The following AUTS2 variants were observed in gnomAD, a reference collection of about 807,000 sequenced individuals.
AUTS2 encodes autism susceptibility gene 2 protein.
A neutral mutation model predicts 112.4 loss-of-function variants in AUTS2; 17 were observed. That is an observed-to-expected ratio of 0.15 (90% CI 0.10 to 0.23). AUTS2 has a LOEUF of 0.23. Among genes scored for constraint, AUTS2 ranks in the 10% least tolerant of loss-of-function variants. The pLI is 1.00. For synonymous variants in AUTS2, 751 were observed against 702.7 expected (o/e 1.07, Z -1.09); for missense variants, 1,510 against 1,701.6 (o/e 0.89, Z 1.98).
At chr7:70,379,679 C>G (rs1367536949) in intron 4 of AUTS2, among the ~76,000 whole-genome samples, 1 of 152,104 alleles carries the variant, frequency 6.6e-6, no homozygotes, top group African/African-American at 2.4e-5. Context: ...AAACTGTCAA[C>G]AGAAATATTC....
intron 1 of AUTS2, among the ~76,000 whole-genome samples, chr7:69,673,360 A>G (rs569838509): frequency 8.8e-4 from 134 of 152,348 alleles, no homozygotes; most frequent in African/African-American, 3.1e-3. Context: ...TGATCCTCAT[A>G]TGACCTTATT....
intron 2 of AUTS2, among the ~76,000 whole-genome samples, chr7:69,940,385 C>T (rs1046397953): frequency 6.6e-6 from 1 of 152,172 alleles, no homozygotes; most frequent in Non-Finnish European, 1.5e-5. Flanking sequence ...AGTAGGTGCT[C>T]TCTAGGTGAG....
At chr7:70,359,013 G>A (rs1186187023) in intron 4 of AUTS2, among the ~76,000 whole-genome samples, 1 of 152,168 alleles carries the variant, frequency 6.6e-6, no homozygotes, top group African/African-American at 2.4e-5. Context: ...TGCATTTTGT[G>A]TAAGAAGTCT....
chr7:70,273,536 CTT>C (rs983056878), intron 4 of AUTS2, among the ~76,000 whole-genome samples: 1 of 151,800 alleles, frequency 6.6e-6, no homozygotes, highest in African/African-American at 2.4e-5. Flanking sequence ...TTCTTACAAT[CTT>C]TGTATATTTA....
intron 5 of AUTS2, among the ~76,000 whole-genome samples, chr7:70,582,739 T>C (rs150847748): frequency 1.5e-3 from 232 of 152,338 alleles, no homozygotes; most frequent in South Asian, 3.5e-3. Flanking sequence ...TTGAGCCTTC[T>C]ACAAGGCCAG....
At chr7:70,348,093 G>C (rs1327685934) in intron 4 of AUTS2, among the ~76,000 whole-genome samples, 1 of 152,186 alleles carries the variant, frequency 6.6e-6, no homozygotes, top group Non-Finnish European at 1.5e-5. Flanking sequence ...GAGGATTTCA[G>C]ATTCACTCAC....
In AUTS2 at chr7:69,964,263, A is replaced by C. The variant is rs962093913; in HGVS notation, c.522+64765A>C. 6.6e-5 allele frequency among the ~76,000 whole-genome samples: 10 copies of C among 151,954 alleles called. 1 individual carries two copies. On this transcript the variant is annotated intron_variant, in intron 2 of 18. Coordinates refer to ENST00000342771, the MANE Select transcript of AUTS2 (RefSeq NM_015570.4). Reference sequence around the variant, plus strand: ...TGTGAGACCTTGGTGAAGTCACTTTACCCTCCGGGCTTTACTTCTTTTATC... The same window carrying C: ...TGTGAGACCTTGGTGAAGTCACTTTCCCCTCCGGGCTTTACTTCTTTTATC...
chr7:69,995,831 TG>T (rs1798922087), intron 2 of AUTS2, among the ~76,000 whole-genome samples: 1 of 152,186 alleles, frequency 6.6e-6, no homozygotes, highest in East Asian at 1.9e-4. Context: ...GACAGATGCA[TG>T]GAAGCCAGGA....
At chr7:69,732,638 G>A (rs1314574670) in intron 1 of AUTS2, among the ~76,000 whole-genome samples, 10 of 152,038 alleles carry the variant, frequency 6.6e-5, no homozygotes, top group African/African-American at 2.4e-4. Context: ...AGTAAATAAG[G>A]CCCAAATATG....
intron 1 of AUTS2, among the ~76,000 whole-genome samples, chr7:69,661,033 A>G (rs1795766676): frequency 6.6e-6 from 1 of 152,230 alleles, no homozygotes; most frequent in African/African-American, 2.4e-5. Flanking sequence ...CAGCTAAACA[A>G]GAAGCAACTC....
chr7:70,353,205 C>T (rs1212523308), intron 4 of AUTS2, among the ~76,000 whole-genome samples: 1 of 152,156 alleles, frequency 6.6e-6, no homozygotes, highest in Non-Finnish European at 1.5e-5. Context: ...CCATTTATAT[C>T]CCCATTTGTA....
At chr7:69,721,764 T>C (rs1043703474) in intron 1 of AUTS2, among the ~76,000 whole-genome samples, 2 of 152,134 alleles carry the variant, frequency 1.3e-5, no homozygotes, top group African/African-American at 2.4e-5. Flanking sequence ...TTTTGTTCTG[T>C]GGTGGAGACA....
intron 5 of AUTS2, among the ~76,000 whole-genome samples, chr7:70,450,572 T>C (rs759937963): frequency 6.6e-6 from 1 of 152,156 alleles, no homozygotes; most frequent in African/African-American, 2.4e-5. Context: ...TAAACATATG[T>C]TGGTATACAC....
At chr7:70,224,485 C>T (rs947361288) in intron 4 of AUTS2, among the ~76,000 whole-genome samples, 1 of 151,974 alleles carries the variant, frequency 6.6e-6, no homozygotes, top group African/African-American at 2.4e-5. Context: ...TACAGCTGTA[C>T]ATTTTTAAGC....
chr7:69,927,460 A>G (rs1253727912), intron 2 of AUTS2, among the ~76,000 whole-genome samples: 7 of 152,130 alleles, frequency 4.6e-5, no homozygotes, highest in Non-Finnish European at 4.4e-5. Flanking sequence ...AATCTTGTAT[A>G]TATCCCCATG....
intron 5 of AUTS2, among the ~76,000 whole-genome samples, chr7:70,648,195 A>G (rs1209715626): frequency 1.3e-5 from 2 of 152,180 alleles, no homozygotes; most frequent in East Asian, 3.9e-4. Flanking sequence ...TAGGCCCAGG[A>G]TGAATGTGAG....
intron 2 of AUTS2, among the ~76,000 whole-genome samples, chr7:70,101,898 A>G (rs971799525): frequency 5.9e-5 from 9 of 152,214 alleles, no homozygotes; most frequent in Admixed American, 5.2e-4. Flanking sequence ...TCTTTTATCA[A>G]ATATTCTCCA....
chr7:69,790,649 G>C (rs529149433), intron 1 of AUTS2, among the ~76,000 whole-genome samples: 1 of 152,156 alleles, frequency 6.6e-6, no homozygotes, highest in Non-Finnish European at 1.5e-5. Flanking sequence ...GAGATTGTTC[G>C]TAAAATACTT....
chr7:70,413,308 T>G (rs753927972), intron 4 of AUTS2, among the ~76,000 whole-genome samples: 3 of 152,228 alleles, frequency 2.0e-5, no homozygotes, highest in Non-Finnish European at 4.4e-5. Context: ...CTGTGTCTTA[T>G]TCCTCTATCC....
Sources: gnomAD v4.1 joint callset for allele counts (sites outside exome capture counted in the v4.1 genomes callset) on GRCh38, gnomAD v4.1.1 for gene constraint, MANE v1.5 for transcripts, NCBI Gene and HGNC (gene_info 2026-07-23, HGNC 2026-07-21) for gene names.